Variants in FAF1 observed in about 807,000 individuals in gnomAD.
The protein encoded by FAF1 is FAS-associated factor 1.
In FAF1, 25 loss-of-function variants were observed where a neutral mutation model predicts 92.5. The observed-to-expected ratio is 0.27, with a 90% CI of 0.20 to 0.38. The LOEUF (loss-of-function observed/expected upper bound fraction) is 0.38. Ranked by LOEUF, FAF1 falls within the 10% of genes least tolerant of loss-of-function variation. The pLI is 1.00. For missense variants in FAF1, 636 were observed against 793.3 expected (o/e 0.80, Z 2.38); for synonymous variants, 234 against 273.2 (o/e 0.86, Z 1.42).
chr1:50,865,384 C>T (rs1162518457), intron 1 of FAF1, among the ~76,000 whole-genome samples: 1 of 150,342 alleles, frequency 6.7e-6, no homozygotes, highest in East Asian at 2.0e-4. Flanking sequence ...AAGACACATG[C>T]ACACGTATGT....
At chr1:50,897,859 C>G (rs1342873011) in intron 1 of FAF1, among the ~76,000 whole-genome samples, 1 of 152,156 alleles carries the variant, frequency 6.6e-6, no homozygotes, top group Non-Finnish European at 1.5e-5. Context: ...CCATGAGTTT[C>G]TGCTTGCAGT....
At chr1:50,477,665 A>C (rs554846677) in intron 17 of FAF1, among the ~76,000 whole-genome samples, 2 of 152,330 alleles carry the variant, frequency 1.3e-5, no homozygotes, top group African/African-American at 4.8e-5. Flanking sequence ...TGTGTATATC[A>C]AAATTAAATG....
intron 2 of FAF1, among the ~76,000 whole-genome samples, chr1:50,808,657 T>TA (rs57362903): frequency 0.042 from 5,666 of 135,100 alleles, 260 homozygotes; most frequent in African/African-American, 0.12. Flanking sequence ...AATAAAGATT[T>TA]AAAAAAAAAA....
rs564203251 is a variant in FAF1, at chr1:50,463,669, G to A, written c.1869+11795C>T. Among the ~76,000 whole-genome samples the A allele has an allele frequency of 6.2e-4, 94 of 152,334 alleles. 1 individual carries two copies. In the South Asian group the frequency reaches 0.017, roughly 28 times the overall value. ...TGACAGAATACTTTCTGAAATGTCT[G>A]CACAAGGTCTGGCGTGGAACAGAAC... On this transcript the variant is annotated intron_variant, in intron 18 of 18. Transcript: ENST00000396153.
At chr1:50,753,211 T>C (rs1033682360) in intron 4 of FAF1, among the ~76,000 whole-genome samples, 2 of 152,190 alleles carry the variant, frequency 1.3e-5, no homozygotes, top group African/African-American at 4.8e-5. Context: ...AACCACTAAT[T>C]TGATTTCTAT....
chr1:50,802,729 C>A (rs752879927), intron 2 of FAF1, among the ~76,000 whole-genome samples: 4 of 152,210 alleles, frequency 2.6e-5, no homozygotes, highest in African/African-American at 4.8e-5. Flanking sequence ...CCCAACTTTT[C>A]CAACTCTGTC....
rs566672885 is a variant in FAF1, at chr1:50,588,704, G to C, written c.841-3893C>G. Among the ~76,000 whole-genome samples the C allele has an allele frequency of 1.2e-4, 18 of 152,340 alleles. No homozygotes were observed. In the South Asian group the frequency reaches 2.3e-3, roughly 19 times the overall value. ...ACCTGTGTGATCCTTGACGGCAAAA[G>C]TTGTGGGAGGTCTGCAGAGGCTGCA... On this transcript the variant is annotated intron_variant, in intron 9 of 18. Coordinates refer to ENST00000396153, the MANE Select transcript of FAF1 (RefSeq NM_007051.3).
intron 4 of FAF1, among the ~76,000 whole-genome samples, chr1:50,782,924 C>G (rs1337814686): frequency 6.6e-6 from 1 of 151,722 alleles, no homozygotes; most frequent in Admixed American, 6.6e-5. Context: ...TAAGGTGTTA[C>G]TTTTTATACC....
chr1:50,730,653 G>A (rs191275544), intron 6 of FAF1, among the ~76,000 whole-genome samples: 5 of 152,234 alleles, frequency 3.3e-5, no homozygotes, highest in African/African-American at 4.8e-5. Context: ...GCAGGGCTCC[G>A]CTACTCTTGA....
chr1:50,951,619 A>G (rs543384381), intron 1 of FAF1, among the ~76,000 whole-genome samples: 9 of 152,332 alleles, frequency 5.9e-5, no homozygotes, highest in African/African-American at 1.9e-4. Flanking sequence ...ATTTAATTCT[A>G]CATGCAAAAA....
rs1359961105 is a variant in FAF1 at position 50,473,825 on chromosome 1, T to C, written c.1869+1639A>G. Among the ~76,000 whole-genome samples the C allele has an allele frequency of 2.0e-5, 3 of 152,302 alleles. No individual in the cohort carries two copies. In the East Asian group the frequency reaches 5.8e-4, roughly 29 times the overall value. On this transcript the variant is annotated intron_variant, in intron 18 of 18. Coordinates refer to ENST00000396153, the MANE Select transcript of FAF1 (RefSeq NM_007051.3). ...CCAGAGGGGATATTACTAGTTTCTG[T>C]CTCTATCCTGCAAACCTGACAGCCA...
chr1:50,717,141 A>G (rs1051243202), intron 6 of FAF1, among the ~76,000 whole-genome samples: 1 of 152,136 alleles, frequency 6.6e-6, no homozygotes, highest in African/African-American at 2.4e-5. Flanking sequence ...ACAAGAACCC[A>G]CTGGAAGGAA....
chr1:50,588,692 T>C (rs916445454), intron 9 of FAF1, among the ~76,000 whole-genome samples: 2 of 151,610 alleles, frequency 1.3e-5, no homozygotes, highest in Admixed American at 1.3e-4. Context: ...TGTGTGATCC[T>C]TGACGGCAAA....
chr1:50,597,983 A>T (rs566241394), intron 8 of FAF1, among the ~76,000 whole-genome samples: 1 of 152,172 alleles, frequency 6.6e-6, no homozygotes. Flanking sequence ...ACTCGAATCA[A>T]TATTTTCCAT....
At chr1:50,564,210 C>T (rs1215432708) in intron 13 of FAF1, among the ~76,000 whole-genome samples, 2 of 150,044 alleles carry the variant, frequency 1.3e-5, no homozygotes, top group Non-Finnish European at 3.0e-5. Context: ...TATCAACATC[C>T]TCAGCTATAA....
Position 50,593,258 on chromosome 1 carries a change from A to G in FAF1, c.840+2863T>C, listed in dbSNP as rs949467365. Among the ~76,000 whole-genome samples the G allele has an allele frequency of 2.6e-4, 39 of 152,204 alleles. 1 individual carries two copies. Among genetic ancestry groups the G allele is most frequent in the Non-Finnish European group, 1.6e-4 (11 of 68,036 alleles). On this transcript the variant is annotated intron_variant, in intron 9 of 18. Transcript: ENST00000396153. ...CCTAAATAGTGTGCTAGCCTCACAA[A>G]CACTGCTCTTCACTATATGGAACTG... is the stretch of plus-strand genomic sequence containing the variant.
intron 1 of FAF1, among the ~76,000 whole-genome samples, chr1:50,879,232 G>A (rs902499611): frequency 1.2e-4 from 18 of 152,200 alleles, no homozygotes; most frequent in South Asian, 2.1e-4. Context: ...GCCACAGAGC[G>A]AGACCTTGTT....
In FAF1 at chr1:50,946,677, A is replaced by C. The variant is rs76104736; in HGVS notation, c.45+13090T>G. ...ATGCTGGCAGAAGACATTGACTCCC[A>C]GGTCAGAGACAATGAACTTTATGAT... On this transcript the variant is annotated intron_variant, in intron 1 of 18. Transcript: ENST00000396153. 1.2e-3 allele frequency among the ~76,000 whole-genome samples: 188 copies of C among 152,364 alleles called. 1 individual carries two copies. In the East Asian group the frequency reaches 0.03, roughly 24 times the overall value.
chr1:50,817,805 A>G (rs1461869157), intron 2 of FAF1, among the ~76,000 whole-genome samples: 1 of 152,164 alleles, frequency 6.6e-6, no homozygotes, highest in Non-Finnish European at 1.5e-5. Flanking sequence ...AAAGAGTACA[A>G]TTTACTCTTT....
Sources: gnomAD v4.1 joint callset for allele counts (sites outside exome capture counted in the v4.1 genomes callset) on GRCh38, gnomAD v4.1.1 for gene constraint, MANE v1.5 for transcripts, NCBI Gene and HGNC (gene_info 2026-07-23, HGNC 2026-07-21) for gene names.